TTBK2: variants seen among roughly 807,000 people sequenced by gnomAD.
TTBK2 encodes the protein tau-tubulin kinase 2.
Under a neutral mutation model 110.8 loss-of-function variants are expected in TTBK2, and 28 were observed. The observed-to-expected ratio is 0.25, with a 90% confidence interval of 0.19 to 0.35. The LOEUF (loss-of-function observed/expected upper bound fraction) is 0.35, where lower values mean the gene tolerates loss of function less well. Among genes scored for constraint, TTBK2 ranks in the 10% least tolerant of loss-of-function variants. The pLI is 1.00. For missense variants in TTBK2, 1,369 were observed against 1,500.3 expected (o/e 0.91, Z 1.45); for synonymous variants, 532 against 527.3 (o/e 1.01, Z -0.12).
intron 1 of TTBK2, among the ~76,000 whole-genome samples, chr15:42,890,446 G>C (rs768114826): frequency 1.6e-4 from 24 of 152,148 alleles, no homozygotes; most frequent in Non-Finnish European, 2.8e-4. Flanking sequence ...TTTGCCCTAT[G>C]TATCTCTTCA....
chr15:42,785,293 A>C (rs570740237), intron 10 of TTBK2, among the ~76,000 whole-genome samples: 7 of 151,768 alleles, frequency 4.6e-5, no homozygotes, highest in Non-Finnish European at 1.0e-4. Flanking sequence ...CTAATTTTTT[A>C]TATTTTTAGT....
At chr15:42,763,139 CATACAT>C (rs2062063220) in intron 13 of TTBK2, among the ~76,000 whole-genome samples, 1 of 57,250 alleles carries the variant, frequency 1.7e-5, no homozygotes, top group African/African-American at 9.4e-5. Context: ...TACATATATA[CATACAT>C]ATATATATAT....
At chr15:42,894,536 G>A (rs1596032813) in intron 1 of TTBK2, among the ~76,000 whole-genome samples, 1 of 152,196 alleles carries the variant, frequency 6.6e-6, no homozygotes, top group South Asian at 2.1e-4. Flanking sequence ...TGGATTTCTT[G>A]AGCCCAGGAG....
intron 3 of TTBK2, among the ~76,000 whole-genome samples, chr15:42,848,949 T>C (rs994387132): frequency 6.6e-6 from 1 of 152,188 alleles, no homozygotes; most frequent in African/African-American, 2.4e-5. Flanking sequence ...TCACTTATTC[T>C]AGGAAGTTTT....
intron 11 of TTBK2, among the ~76,000 whole-genome samples, chr15:42,781,868 A>T (rs1230664067): frequency 6.6e-6 from 1 of 152,168 alleles, no homozygotes; most frequent in East Asian, 1.9e-4. Context: ...ATATAGAAGG[A>T]ATATGTTAAA....
intron 10 of TTBK2, 68 bp from the exon 11 acceptor site, chr15:42,783,703 A>G: frequency 1.7e-6 from 2 of 1,156,138 alleles, no homozygotes; most frequent in Non-Finnish European, 2.6e-6. Context: ...ACATCATTTT[A>G]TTTCTTCATT....
At chr15:42,756,857 C>T (rs1432521607) in intron 13 of TTBK2, among the ~76,000 whole-genome samples, 1 of 149,308 alleles carries the variant, frequency 6.7e-6, no homozygotes, top group Non-Finnish European at 1.5e-5. Flanking sequence ...CATAGCAATA[C>T]CCCACCTCAA....
At chr15:42,807,844 T>C (rs1328718900) in intron 9 of TTBK2, among the ~76,000 whole-genome samples, 1 of 152,220 alleles carries the variant, frequency 6.6e-6, no homozygotes, top group Non-Finnish European at 1.5e-5. Context: ...TTCACATTTA[T>C]TTTAACAGAC....
At chr15:42,830,369 G>A (rs1390699312) in intron 4 of TTBK2, among the ~76,000 whole-genome samples, 19 of 151,932 alleles carry the variant, frequency 1.3e-4, no homozygotes, top group Non-Finnish European at 8.8e-5. Flanking sequence ...TCTATTTTTA[G>A]TAGAGACAGG....
At chr15:42,876,872 C>T (rs1191270466) in intron 2 of TTBK2, among the ~76,000 whole-genome samples, 1 of 152,050 alleles carries the variant, frequency 6.6e-6, no homozygotes, top group Non-Finnish European at 1.5e-5. Context: ...AAGTGTGTCC[C>T]CTTAGTCAAA....
chr15:42,804,030 A>AAG (rs35097306), intron 9 of TTBK2, among the ~76,000 whole-genome samples: 35,246 of 124,372 alleles, frequency 0.28, 6,285 homozygotes, highest in African/African-American at 0.47. Flanking sequence ...AAAAAAAAAA[A>AAG]AGAGAGAGAT....
chr15:42,753,383 A>G, intron 13 of TTBK2, 136 bp from the exon 14 acceptor site: 1 of 867,444 alleles, frequency 1.2e-6, no homozygotes. Context: ...AACTTATAAG[A>G]AAAATGAACA....
intron 8 of TTBK2, 73 bp downstream of exon 8, chr15:42,811,615 T>C: frequency 8.3e-7 from 1 of 1,209,116 alleles, no homozygotes. Context: ...AAGTATATTT[T>C]CAACAAAAAT....
Position 42,806,992 on chromosome 15 carries a change from G to C in TTBK2, c.822+3622C>G, listed in dbSNP as rs1205561104. Among the ~76,000 whole-genome samples the C allele has an allele frequency of 3.9e-5, 6 of 152,094 alleles. No homozygotes were observed. The East Asian group carries it at 1.2e-3, about 29-fold the overall frequency. ...CCTTGACCACTCTATTTGATCGGAG[G>C]TTCCCCCTTGTTTTCAGCTCAACCT... On this transcript the variant is annotated intron_variant, in intron 9 of 14. Coordinates refer to ENST00000267890, the MANE Select transcript of TTBK2 (RefSeq NM_173500.4).
chr15:42,815,628 T>A (rs555582050), intron 7 of TTBK2, among the ~76,000 whole-genome samples: 3 of 151,562 alleles, frequency 2.0e-5, no homozygotes, highest in East Asian at 3.9e-4. Context: ...ATTTTTAAAA[T>A]TTAACCCAAG....
At chr15:42,869,043 A>G (rs1358914820) in intron 3 of TTBK2, among the ~76,000 whole-genome samples, 1 of 152,104 alleles carries the variant, frequency 6.6e-6, no homozygotes, top group Non-Finnish European at 1.5e-5. Flanking sequence ...ATCAGATTTG[A>G]AATCAAAGGA....
intron 1 of TTBK2, among the ~76,000 whole-genome samples, chr15:42,908,460 G>C (rs560819272): frequency 4.6e-5 from 7 of 152,192 alleles, no homozygotes; most frequent in Non-Finnish European, 1.0e-4. Context: ...AACAGAACAA[G>C]ACCCTGTCTC....
chr15:42,816,141 G>T (rs141927491), intron 7 of TTBK2, among the ~76,000 whole-genome samples: 1,767 of 122,632 alleles, frequency 0.014, 51 homozygotes, highest in African/African-American at 0.055. Flanking sequence ...TTTTGAGACA[G>T]AGTCTTGCTC....
intron 13 of TTBK2, among the ~76,000 whole-genome samples, chr15:42,764,690 A>G (rs1889274442): frequency 1.3e-5 from 2 of 152,258 alleles, no homozygotes; most frequent in African/African-American, 4.8e-5. Context: ...GCATAGCTGA[A>G]CAAAAGGCAG....
Sources: allele counts gnomAD v4.1 joint callset (sites outside exome capture counted in the v4.1 genomes callset), GRCh38; gene constraint gnomAD v4.1.1; transcripts MANE v1.5; gene names NCBI Gene and HGNC (gene_info 2026-07-23, HGNC 2026-07-21).